TMEM132D: variants seen among roughly 807,000 people sequenced by gnomAD.
TMEM132D encodes the protein transmembrane protein 132D, also known as mature OL transmembrane protein.
TMEM132D carries 21 observed loss-of-function variants against 62.3 expected under a neutral mutation model. The ratio of observed to expected loss-of-function variants is 0.34; its 90% CI spans 0.24 to 0.49. TMEM132D has a LOEUF of 0.49. Ranked by LOEUF, TMEM132D falls within the 20% of genes least tolerant of loss-of-function variation. TMEM132D has a pLI of 0.99. For missense variants in TMEM132D, 1,346 were observed against 1,402.8 expected, an observed-to-expected ratio of 0.96 and a Z score of 0.65; for synonymous variants, 621 against 575.6, an observed-to-expected ratio of 1.08 and a Z score of -1.13.
chr12:129,582,417 G>A (rs991997906), intron 2 of TMEM132D, among the ~76,000 whole-genome samples: 2 of 152,172 alleles, frequency 1.3e-5, no homozygotes, highest in Non-Finnish European at 2.9e-5. Context: ...TAACTCTATT[G>A]CTCTCAATGC....
At chr12:129,306,153 T>G (rs1443286946) in intron 4 of TMEM132D, among the ~76,000 whole-genome samples, 2 of 152,168 alleles carry the variant, frequency 1.3e-5, no homozygotes, top group Non-Finnish European at 2.9e-5. Flanking sequence ...AACCACACTA[T>G]AAACAAGGCC....
intron 3 of TMEM132D, among the ~76,000 whole-genome samples, chr12:129,485,195 C>A (rs1242704404): frequency 6.6e-6 from 1 of 152,184 alleles, no homozygotes; most frequent in African/African-American, 2.4e-5. Context: ...CAGGCTCAGT[C>A]CCACGGGGAA....
chr12:129,343,761 CAAAAAAAAACAAAA>C (rs1869590651), intron 3 of TMEM132D, among the ~76,000 whole-genome samples: 3 of 133,238 alleles, frequency 2.3e-5, no homozygotes, highest in South Asian at 2.4e-4. Flanking sequence ...ACAAAAAAAA[CAAAAAAAAACAAAA>C]AAAAAAAACA....
At chr12:129,801,179 G>A (rs1311341811) in intron 1 of TMEM132D, among the ~76,000 whole-genome samples, 12 of 152,224 alleles carry the variant, frequency 7.9e-5, no homozygotes, top group Admixed American at 7.9e-4. Flanking sequence ...GGTAAACAAA[G>A]CAGCCGGGAA....
At chr12:129,401,351 G>T (rs1018443623) in intron 3 of TMEM132D, among the ~76,000 whole-genome samples, 1 of 152,168 alleles carries the variant, frequency 6.6e-6, no homozygotes, top group Non-Finnish European at 1.5e-5. Flanking sequence ...AAGATTGCTT[G>T]AGGCCAGGAG....
chr12:129,434,115 T>C (rs1872729885), intron 3 of TMEM132D, among the ~76,000 whole-genome samples: 5 of 152,106 alleles, frequency 3.3e-5, no homozygotes, highest in Admixed American at 3.3e-4. Context: ...CTAGATCTCG[T>C]TTATAACAGA....
chr12:129,409,971 T>A (rs1176530205), intron 3 of TMEM132D, among the ~76,000 whole-genome samples: 1 of 152,196 alleles, frequency 6.6e-6, no homozygotes, highest in Non-Finnish European at 1.5e-5. Context: ...AGAACGTCAC[T>A]TAAAGGTTCT....
At chr12:129,282,925 A>C (rs1881194813) in intron 4 of TMEM132D, among the ~76,000 whole-genome samples, 1 of 152,206 alleles carries the variant, frequency 6.6e-6, no homozygotes, top group East Asian at 1.9e-4. Context: ...TCTTGTGGTC[A>C]TCATGTCTGC....
At chr12:129,524,611 A>G (rs1194681261) in intron 3 of TMEM132D, among the ~76,000 whole-genome samples, 1 of 152,158 alleles carries the variant, frequency 6.6e-6, no homozygotes, top group Admixed American at 6.5e-5. Flanking sequence ...CCATCTCTCC[A>G]GATTGATGGC....
intron 4 of TMEM132D, among the ~76,000 whole-genome samples, chr12:129,241,425 T>G (rs936222961): frequency 3.3e-5 from 5 of 152,160 alleles, no homozygotes; most frequent in Admixed American, 2.0e-4. Context: ...CACTCTTCTT[T>G]GCTCTCTTCT....
intron 2 of TMEM132D, among the ~76,000 whole-genome samples, chr12:129,544,734 AG>A (rs1876684155): frequency 2.0e-5 from 3 of 152,234 alleles, no homozygotes; most frequent in African/African-American, 7.2e-5. Context: ...AAAAAGAGAA[AG>A]AAAAAATAAA....
intron 2 of TMEM132D, among the ~76,000 whole-genome samples, chr12:129,654,255 T>TTC (rs368963587): frequency 1.2e-4 from 18 of 147,580 alleles, no homozygotes; most frequent in Admixed American, 3.5e-4. Context: ...GTCTCTCTCT[T>TTC]TCTCTCTCTC....
intron 5 of TMEM132D, among the ~76,000 whole-genome samples, chr12:129,200,843 C>G (rs1315764070): frequency 2.0e-5 from 3 of 152,234 alleles, no homozygotes; most frequent in Non-Finnish European, 4.4e-5. Flanking sequence ...CTCTGATTTT[C>G]CACTCGTCTC....
rs1447304173 is a variant in TMEM132D, at chr12:129,700,148, G to T, written c.630C>A (p.Ala210=). The change falls in exon 2 of 9, where the codon GCC becomes GCA. Residue 210 remains alanine, a synonymous_variant. Transcript: ENST00000422113. ...SSWFSPPTVV[A]GRRKSVDQPE... ...GCTGGTCCACGGACTTCCTCCTCCCGGCAACCACCGTGGGGGGGCTGAACC... is the reference window on the plus strand; with the variant it reads ...GCTGGTCCACGGACTTCCTCCTCCCTGCAACCACCGTGGGGGGGCTGAACC... 1 of 1,613,034 alleles carries T rather than the reference G, an allele frequency of 6.2e-7. No individual in the cohort carries two copies. The highest frequency in any genetic ancestry group is 8.5e-7 in the Non-Finnish European group (1 of 1,179,968).
intron 1 of TMEM132D, among the ~76,000 whole-genome samples, chr12:129,835,589 C>A (rs1872981273): frequency 6.6e-6 from 1 of 152,092 alleles, no homozygotes; most frequent in Admixed American, 6.6e-5. Flanking sequence ...CCACACCGAG[C>A]CTGTGCATGA....
At chr12:129,271,760 A>G (rs185098711) in intron 4 of TMEM132D, among the ~76,000 whole-genome samples, 1 of 151,960 alleles carries the variant, frequency 6.6e-6, no homozygotes, top group Non-Finnish European at 1.5e-5. Flanking sequence ...TTATGGCTGC[A>G]TAGTATTCCA....
intron 5 of TMEM132D, among the ~76,000 whole-genome samples, chr12:129,153,920 C>G (rs139286838): frequency 6.6e-6 from 1 of 152,154 alleles, no homozygotes. Context: ...CGTGGGACAC[C>G]TAGATGGAAG....
In TMEM132D at chr12:129,115,288, G is replaced by T. The variant is rs972081181; in HGVS notation, c.1444-30586C>A. 2.0e-5 allele frequency among the ~76,000 whole-genome samples: 3 copies of T among 152,196 alleles called. 1 individual carries two copies. The East Asian group carries it at 5.8e-4, about 29-fold the overall frequency. ...ATCTGGCTCCTGCTGGGATCTTTGA[G>T]CTCAGCCAACACGATTATCCTCCTG... is the stretch of plus-strand genomic sequence containing the variant. On this transcript the variant is annotated intron_variant, in intron 5 of 8. Transcript: ENST00000422113.
intron 3 of TMEM132D, among the ~76,000 whole-genome samples, chr12:129,490,124 T>C (rs917200880): frequency 1.3e-5 from 2 of 152,232 alleles, no homozygotes; most frequent in Admixed American, 1.3e-4. Flanking sequence ...CTGTTCAATG[T>C]AGCTACTATA....
Sources: gnomAD v4.1 joint callset for allele counts (sites outside exome capture counted in the v4.1 genomes callset) on GRCh38, gnomAD v4.1.1 for gene constraint, MANE v1.5 for transcripts, NCBI Gene and HGNC (gene_info 2026-07-23, HGNC 2026-07-21) for gene names.